Variants in TMEM63B observed in about 807,000 individuals in gnomAD.
TMEM63B encodes the protein transmembrane protein 63B.
TMEM63B carries 23 observed loss-of-function variants against 102.6 expected under a neutral mutation model. The observed-to-expected ratio is 0.22, with a 90% CI of 0.16 to 0.32. The LOEUF is 0.32. TMEM63B is among the 10% of genes least tolerant of loss of function. TMEM63B has a pLI of 1.00. For synonymous variants in TMEM63B, 444 were observed against 437.0 expected (o/e 1.02, Z -0.20); for missense variants, 628 against 1,095.9 (o/e 0.57, Z 6.03).
chr6:44,150,062 G>A lies in TMEM63B; in HGVS notation c.1520+97G>A. The A allele has an allele frequency of 7.1e-7, 1 of 1,400,728 alleles. No homozygotes were observed. Among genetic ancestry groups the A allele is most frequent in the Non-Finnish European group, 9.9e-7 (1 of 1,011,572 alleles). 86.8% of individuals were successfully genotyped at this position (1,400,728 alleles called of 1,614,324 possible). ...TTTGCCCTTCAGGCTCCTGGCCCTG[G>A]GCAGTCCCACAGCTGGTAGGGAAGG... On this transcript the variant is annotated intron_variant, in intron 16 of 23. Coordinates refer to ENST00000323267, the MANE Select transcript of TMEM63B (RefSeq NM_018426.3). This position sits in a 1 kb window ranked among gnomAD's most constrained non-coding sequence, Gnocchi z 4.7.
At position 44,138,687 on chromosome 6, in the gene TMEM63B, A is replaced by T. The variant is rs1763504903; in HGVS notation, c.407+170A>T. 4.9e-6 allele frequency: 3 copies of T among 615,730 alleles called. No homozygotes were observed. In the East Asian group the frequency reaches 9.6e-5, roughly 20 times the overall value. The allele number at this position is 615,730 out of a possible 1,614,324, so 38.1% of individuals were successfully genotyped here. ...CCTCGGGTGCCTGAGCCTCTGCTGT[A>T]CCCTGAACACTCACTTGACCCCATA... On this transcript the variant is annotated intron_variant, in intron 6 of 23. Transcript: ENST00000323267.
chr6:44,140,643 A>G, intron 9 of TMEM63B: 2 of 571,186 alleles, frequency 3.5e-6, no homozygotes, highest in South Asian at 3.8e-5. Flanking sequence ...ATCCTAGGAT[A>G]GTAATATTCC....
rs2128281544 is a variant in TMEM63B, at chr6:44,154,943, AC to A, written c.*61del. ...CCACCCCACCCCCACTCCCACGGAC[AC>A]TAAAACGCTAATAATTTATTAGATC... is the stretch of plus-strand genomic sequence containing the variant. On this transcript the variant is annotated 3_prime_UTR_variant, in exon 24 of 24. Coordinates refer to ENST00000323267, the MANE Select transcript of TMEM63B (RefSeq NM_018426.3). 4 of 1,398,724 alleles carry A rather than the reference AC, an allele frequency of 2.9e-6. No homozygotes were observed. In the South Asian group the frequency reaches 6.2e-5, roughly 22 times the overall value. 86.6% of individuals were successfully genotyped at this position (1,398,724 alleles called of 1,614,324 possible).
intron 10 of TMEM63B, among the ~76,000 whole-genome samples, chr6:44,142,158 C>T (rs544287264): frequency 2.0e-5 from 3 of 148,044 alleles, no homozygotes; most frequent in Non-Finnish European, 4.5e-5. Flanking sequence ...AGGCCAGGCA[C>T]GGTGGCTCAC....
chr6:44,139,504 G>T lies in TMEM63B; in HGVS notation c.445G>T (p.Val149Leu). The T allele has an allele frequency of 6.2e-7, 1 of 1,614,200 alleles. No homozygotes were observed. The highest frequency in any genetic ancestry group is 8.5e-7 in the Non-Finnish European group (1 of 1,180,038). Reference sequence around the variant, plus strand: ...CCGGGACAAATGTGGGGGCGATGCCGTGCACTACCTGTCCTTTCAGCGGCA... The same window carrying T: ...CCGGGACAAATGTGGGGGCGATGCCTTGCACTACCTGTCCTTTCAGCGGCA... ...EIRDKCGGDA[V>L]HYLSFQRHII... is the part of the protein sequence containing the mutation. Residue 149 changes from valine (V) to leucine (L), a missense_variant, in exon 7 of 24, where the codon GTG (valine) becomes TTG (leucine). Transcript: ENST00000323267.
Position 44,150,702 on chromosome 6 carries a change from C to G in TMEM63B, c.1673+73C>G. The G allele has an allele frequency of 6.7e-7, 1 of 1,482,418 alleles. No homozygotes were observed. Among genetic ancestry groups the G allele is most frequent in the Non-Finnish European group, 9.4e-7 (1 of 1,066,056 alleles). 91.8% of individuals were successfully genotyped at this position (1,482,418 alleles called of 1,614,324 possible). A position where few individuals can be genotyped will look rare whatever the true frequency, so the allele number is the denominator to read the frequency against. On this transcript the variant is annotated intron_variant, in intron 18 of 23. Coordinates refer to ENST00000323267, the MANE Select transcript of TMEM63B (RefSeq NM_018426.3). The surrounding 1 kb of genome is among the most constrained non-coding windows in gnomAD (Gnocchi z 4.7). ...GTATGCTTGAGAGACATTGCCAGCC[C>G]CATGGGAGGGTGCAACAAAGCTTCC...
At chr6:44,134,122 C>A (rs996312789) in intron 1 of TMEM63B, among the ~76,000 whole-genome samples, 2 of 152,292 alleles carry the variant, frequency 1.3e-5, no homozygotes, top group African/African-American at 4.8e-5. Flanking sequence ...GACCCATTCT[C>A]CCCTGACGTG....
intron 10 of TMEM63B, among the ~76,000 whole-genome samples, chr6:44,143,096 G>T (rs1764634135): frequency 6.6e-6 from 1 of 152,236 alleles, no homozygotes; most frequent in Admixed American, 6.5e-5. Context: ...ATTGTCCTGG[G>T]TCAGGCCAGT....
intron 10 of TMEM63B, among the ~76,000 whole-genome samples, chr6:44,145,657 C>G (rs1341481397): frequency 6.6e-6 from 1 of 151,968 alleles, no homozygotes; most frequent in East Asian, 1.9e-4. Context: ...CTATTCCCTC[C>G]AGCCATGGTG....
At chr6:44,128,256 G>A (rs1388824594) in intron 1 of TMEM63B, among the ~76,000 whole-genome samples, 4 of 152,176 alleles carry the variant, frequency 2.6e-5, no homozygotes, top group African/African-American at 9.7e-5. Flanking sequence ...CGGCTCTGGG[G>A]ACTGACTGGT....
Position 44,154,849 on chromosome 6 carries a change from A to G in TMEM63B, c.2465A>G (p.Glu822Gly). 6.2e-7 allele frequency: 1 copy of G among 1,604,642 alleles called. No homozygotes were observed. The highest frequency in any genetic ancestry group is 1.3e-5 in the African/African-American group (1 of 74,674). The change falls in exon 24 of 24, where the codon GAG becomes GGG. Residue 822 changes from glutamate to glycine, a missense_variant. This residue lies in a region of TMEM63B where 129 missense variants were observed against 153.5 expected (regional missense o/e 0.84). Transcript: ENST00000323267. ...ACGGACACAGACTTCCAGTCTTGCGAGGACAGCCTCATAGAGAATGAGATT... is the reference window on the plus strand; with the variant it reads ...ACGGACACAGACTTCCAGTCTTGCGGGGACAGCCTCATAGAGAATGAGATT... Reference protein sequence around the residue: ...ALTDTDFQSCEDSLIENEIHQ With the variant: ...ALTDTDFQSCGDSLIENEIHQ
chr6:44,152,520 C>G lies in TMEM63B; in HGVS notation c.1837-73C>G, dbSNP rs991779609. 32 of 1,044,302 alleles carry G rather than the reference C, an allele frequency of 3.1e-5. No homozygotes were observed. The highest frequency in any genetic ancestry group is 4.6e-5 in the Non-Finnish European group (31 of 679,994). The allele number at this position is 1,044,302 out of a possible 1,614,324, so 64.7% of individuals were successfully genotyped here. On this transcript the variant is annotated intron_variant, in intron 19 of 23. Transcript: ENST00000323267. The surrounding 1 kb of genome is among the most constrained non-coding windows in gnomAD (Gnocchi z 6.4). ...GCCCCAGAGGTCCTGGCTCCCTTCC[C>G]CCTCCCTCCTTCCCTGCCCCTCTGG...
chr6:44,152,059 A>G lies in TMEM63B; in HGVS notation c.1836+51A>G. ...CCCGCACAGCGCCCCCTGGTGGCCCAACAAGAAACAGCAGCCATCGCGCTA... is the reference window on the plus strand; with the variant it reads ...CCCGCACAGCGCCCCCTGGTGGCCCGACAAGAAACAGCAGCCATCGCGCTA... On this transcript the variant is annotated intron_variant, in intron 19 of 23. Transcript: ENST00000323267. This position sits in a 1 kb window ranked among gnomAD's most constrained non-coding sequence, Gnocchi z 6.4. 1 of 1,532,822 alleles carries G rather than the reference A, an allele frequency of 6.5e-7. No homozygotes were observed. The highest frequency in any genetic ancestry group is 8.7e-7 in the Non-Finnish European group (1 of 1,143,406). 95.0% of individuals were successfully genotyped at this position (1,532,822 alleles called of 1,614,324 possible).
chr6:44,152,494 G>A lies in TMEM63B; in HGVS notation c.1837-99G>A, dbSNP rs1018851432. 1.5e-5 allele frequency: 13 copies of A among 887,256 alleles called. No homozygotes were observed. The highest frequency in any genetic ancestry group is 8.5e-5 in the South Asian group (6 of 70,252). 55.0% of individuals were successfully genotyped at this position (887,256 alleles called of 1,614,324 possible). A position where few individuals can be genotyped will look rare whatever the true frequency, so the allele number is the denominator to read the frequency against. On this transcript the variant is annotated intron_variant, in intron 19 of 23. Coordinates refer to ENST00000323267, the MANE Select transcript of TMEM63B (RefSeq NM_018426.3). This position sits in a 1 kb window ranked among gnomAD's most constrained non-coding sequence, Gnocchi z 6.4. ...TCCTGTTCCCCATGGCTTCTTTTCC[G>A]GCCCCAGAGGTCCTGGCTCCCTTCC...
chr6:44,134,599 G>T lies in TMEM63B; in HGVS notation c.15G>T (p.Leu5=), dbSNP rs773177861. The part of the protein sequence containing the change: MLPF[L]LATLGTTALN... ...CAGTAGCAGCCATGCTGCCCTTTCT[G>T]CTGGCCACACTGGGCACCACAGCCC... The change falls in exon 2 of 24, where the codon CTG becomes CTT. Residue 5 remains leucine (L), a synonymous_variant. Coordinates refer to ENST00000323267, the MANE Select transcript of TMEM63B (RefSeq NM_018426.3). 1 of 1,614,048 alleles carries T rather than the reference G, an allele frequency of 6.2e-7. No individual in the cohort carries two copies. The highest frequency in any genetic ancestry group is 1.1e-5 in the South Asian group (1 of 91,088).
At position 44,148,457 on chromosome 6, in the gene TMEM63B, C is replaced by T; in HGVS notation, c.1122-56C>T. ...CCCTGACCCCTGTGCTCATGGCCTT[C>T]TGCCAGCAGTGTGGCCTCCAGGTGG... On this transcript the variant is annotated intron_variant, in intron 13 of 23. Coordinates refer to ENST00000323267, the MANE Select transcript of TMEM63B (RefSeq NM_018426.3). This position sits in a 1 kb window ranked among gnomAD's most constrained non-coding sequence, Gnocchi z 5.1. The T allele has an allele frequency of 6.2e-7, 1 of 1,612,630 alleles. No individual in the cohort carries two copies. Among genetic ancestry groups the T allele is most frequent in the Admixed American group, 1.7e-5 (1 of 59,944 alleles).
intron 23 of TMEM63B, 90 bp from the exon 24 acceptor site, chr6:44,154,602 T>G (rs911937499): frequency 5.5e-6 from 8 of 1,465,282 alleles, no homozygotes; most frequent in Non-Finnish European, 7.4e-6. Context: ...CCCAGGGCCC[T>G]GCCCACTCTG....
chr6:44,153,868 G>A (rs749427014), intron 21 of TMEM63B, 25 bp downstream of exon 21: 7 of 1,603,952 alleles, frequency 4.4e-6, no homozygotes, highest in Non-Finnish European at 5.1e-6. Flanking sequence ...CCCAGGGAAC[G>A]GGGGGTGGCG....
chr6:44,128,196 C>T (rs1777585257), intron 1 of TMEM63B, among the ~76,000 whole-genome samples: 1 of 152,198 alleles, frequency 6.6e-6, no homozygotes, highest in Non-Finnish European at 1.5e-5. Context: ...GGCTCGGGCT[C>T]GGGCAAGGGC....
Sources: allele counts gnomAD v4.1 joint callset (sites outside exome capture counted in the v4.1 genomes callset), GRCh38; gene constraint gnomAD v4.1.1; regional missense constraint gnomAD v4.1.1; non-coding constraint Gnocchi (gnomAD v3.1); transcripts MANE v1.5; gene names NCBI Gene and HGNC (gene_info 2026-07-23, HGNC 2026-07-21).